TMEM161A: variants seen among roughly 807,000 people sequenced by gnomAD.
The protein encoded by TMEM161A is adaptive response to oxidative stress protein 29.
TMEM161A carries 46 observed loss-of-function variants against 57.1 expected under a neutral mutation model. The observed-to-expected ratio is 0.81, with a 90% CI of 0.64 to 1.03. The LOEUF (loss-of-function observed/expected upper bound fraction) is 1.03, where lower values mean the gene tolerates loss of function less well. Ranked by LOEUF, TMEM161A falls within the 50% of genes least tolerant of loss-of-function variation. The pLI is 0.00. For synonymous variants in TMEM161A, 288 were observed against 279.0 expected, an observed-to-expected ratio of 1.03 and a Z score of -0.32; for missense variants, 601 against 621.5, an observed-to-expected ratio of 0.97 and a Z score of 0.35.
At chr19:19,126,743 A>T (rs979165788) in intron 6 of TMEM161A, among the ~76,000 whole-genome samples, 15 of 152,032 alleles carry the variant, frequency 9.9e-5, no homozygotes, top group African/African-American at 3.4e-4. Flanking sequence ...GGTGGCGCAC[A>T]CCTGTAATCC....
In TMEM161A at chr19:19,132,322, C is replaced by T. The variant is rs1345956510; in HGVS notation, c.443+30G>A. The stretch of plus-strand genomic sequence containing the variant: ...AGCTCAGGTCCTGCTCCCACCCGCC[C>T]CACTGGCAGGGAGCAGAGAGGAAGG... On this transcript the variant is annotated intron_variant, in intron 5 of 11. Coordinates refer to ENST00000162044, the MANE Select transcript of TMEM161A (RefSeq NM_017814.3). The surrounding 1 kb of genome is among the most constrained non-coding windows in gnomAD (Gnocchi z 4.3). 1.9e-6 allele frequency: 3 copies of T among 1,595,326 alleles called. No individual in the cohort carries two copies. Among genetic ancestry groups the T allele is most frequent in the East Asian group, 2.2e-5 (1 of 44,722 alleles).
intron 10 of TMEM161A, 40 bp from the exon 11 acceptor site, chr19:19,120,901 T>G: frequency 6.2e-7 from 1 of 1,612,400 alleles, no homozygotes; most frequent in South Asian, 1.1e-5. Context: ...CAGGAGGCCT[T>G]CTGGTTTGGG....
intron 1 of TMEM161A, among the ~76,000 whole-genome samples, chr19:19,137,631 G>A (rs898773984): frequency 6.6e-6 from 1 of 152,208 alleles, no homozygotes; most frequent in Non-Finnish European, 1.5e-5. Context: ...ACCTCCGCCT[G>A]GGACGACGCC....
intron 6 of TMEM161A, among the ~76,000 whole-genome samples, chr19:19,127,595 T>G (rs1042184163): frequency 6.6e-6 from 1 of 152,004 alleles, no homozygotes; most frequent in South Asian, 2.1e-4. Context: ...ATGCTGGGAT[T>G]ACAGGCGTGA....
chr19:19,127,594 T>G (rs1461806619), intron 6 of TMEM161A, among the ~76,000 whole-genome samples: 3 of 151,976 alleles, frequency 2.0e-5, no homozygotes, highest in Non-Finnish European at 2.9e-5. Flanking sequence ...AATGCTGGGA[T>G]TACAGGCGTG....
Position 19,120,049 on chromosome 19 carries a change from G to A in TMEM161A, c.1321C>T (p.Leu441=). The part of the protein sequence containing the change: ...AARIAGALGG[L]LTPLFLRGVL... ...CCACGGAGGAAGAGGGGAGTAAGCA[G>A]GCCACCCAGAGCCCCGGCAATCCGC... Residue 441 remains leucine (L), a synonymous_variant, in exon 12 of 12, where the codon CTG becomes TTG. Transcript: ENST00000162044. 1 of 1,600,598 alleles carries A rather than the reference G, an allele frequency of 6.2e-7. No individual in the cohort carries two copies. The highest frequency in any genetic ancestry group is 8.5e-7 in the Non-Finnish European group (1 of 1,174,356).
Position 19,120,971 on chromosome 19 carries a change from A to G in TMEM161A, c.1089+21T>C, listed in dbSNP as rs773691122. 3 of 1,607,390 alleles carry G rather than the reference A, an allele frequency of 1.9e-6. No homozygotes were observed. In the South Asian group the frequency reaches 3.3e-5, roughly 18 times the overall value. On this transcript the variant is annotated intron_variant, in intron 10 of 11. Coordinates refer to ENST00000162044, the MANE Select transcript of TMEM161A (RefSeq NM_017814.3). Reference sequence around the variant, plus strand: ...CTGAGCCCCAGGTTCCCTCTGGCCTAGGTCATCGGGGCGTCCATACCCTCT... The same window carrying G: ...CTGAGCCCCAGGTTCCCTCTGGCCTGGGTCATCGGGGCGTCCATACCCTCT...
At position 19,134,824 on chromosome 19, in the gene TMEM161A, G is replaced by GC. The variant is rs1156525542; in HGVS notation, c.66dup (p.Pro23AlafsTer12). On this transcript the variant is annotated frameshift_variant, in exon 2 of 12. Coordinates refer to ENST00000162044, the MANE Select transcript of TMEM161A (RefSeq NM_017814.3). LOFTEE classifies it high-confidence loss of function. ...AGCCAGCGCGCGAAGGAGCAGTGTGGCGCCAGCCTGTGCATGAGGGTGGCA... is the reference window on the plus strand; with the variant it reads ...AGCCAGCGCGCGAAGGAGCAGTGTGGCCGCCAGCCTGTGCATGAGGGTGGCA... 1 of 1,596,116 alleles carries GC rather than the reference G, an allele frequency of 6.3e-7. No homozygotes were observed. Among genetic ancestry groups the GC allele is most frequent in the Admixed American group, 1.7e-5 (1 of 57,644 alleles).
At chr19:19,134,186 T>C (rs1184442262) in intron 2 of TMEM161A, among the ~76,000 whole-genome samples, 1 of 152,014 alleles carries the variant, frequency 6.6e-6, no homozygotes, top group Non-Finnish European at 1.5e-5. Context: ...CTCTAGCAGA[T>C]GCAGGGGTGG....
At position 19,121,461 on chromosome 19, in the gene TMEM161A, C is replaced by A; in HGVS notation, c.801-40G>T. 2 of 1,613,580 alleles carry A rather than the reference C, an allele frequency of 1.2e-6. No homozygotes were observed. Among genetic ancestry groups the A allele is most frequent in the Non-Finnish European group, 1.7e-6 (2 of 1,179,662 alleles). On this transcript the variant is annotated intron_variant, in intron 8 of 11. Coordinates refer to ENST00000162044, the MANE Select transcript of TMEM161A (RefSeq NM_017814.3). The surrounding 1 kb of genome is among the most constrained non-coding windows in gnomAD (Gnocchi z 5.8). Reference sequence around the variant, plus strand: ...CAGGAGGGAGTGAGGCCTGGGTACCCCCTCTCCTCGAGTCTCTCCCTTAAG... The same window carrying A: ...CAGGAGGGAGTGAGGCCTGGGTACCACCTCTCCTCGAGTCTCTCCCTTAAG...
rs535679693 is a variant in TMEM161A, at chr19:19,119,741, G to T, written c.*189C>A. Reference sequence around the variant, plus strand: ...GGGACCCTCATGCTGCTGGGCCCAGGAGAGACAGTTCTGAGGCAGAAACTC... The same window carrying T: ...GGGACCCTCATGCTGCTGGGCCCAGTAGAGACAGTTCTGAGGCAGAAACTC... On this transcript the variant is annotated 3_prime_UTR_variant, in exon 12 of 12. Coordinates refer to ENST00000162044, the MANE Select transcript of TMEM161A (RefSeq NM_017814.3). The T allele has an allele frequency of 2.5e-5, 17 of 690,038 alleles. No individual in the cohort carries two copies. Among genetic ancestry groups the T allele is most frequent in the Non-Finnish European group, 4.0e-5 (17 of 419,836 alleles). The allele number at this position is 690,038 out of a possible 1,614,324, so 42.7% of individuals were successfully genotyped here.
intron 5 of TMEM161A, 95 bp from the exon 6 acceptor site, chr19:19,130,402 G>A: frequency 6.7e-7 from 1 of 1,488,760 alleles, no homozygotes; most frequent in Non-Finnish European, 9.2e-7. Flanking sequence ...CAGGGAACAA[G>A]CACTGCTGCA....
At chr19:19,136,719 C>A (rs2146341212) in intron 1 of TMEM161A, among the ~76,000 whole-genome samples, 1 of 152,228 alleles carries the variant, frequency 6.6e-6, no homozygotes, top group Admixed American at 6.5e-5. Context: ...AGGACATTTT[C>A]TCTGTACCTG....
Position 19,121,398 on chromosome 19 carries a change from A to AG in TMEM161A, c.823dup (p.Leu275ProfsTer85), listed in dbSNP as rs1306371765. 5 of 1,613,132 alleles carry AG rather than the reference A, an allele frequency of 3.1e-6. No individual in the cohort carries two copies. The African/African-American group carries it at 5.3e-5, about 17-fold the overall frequency. Reference sequence around the variant, plus strand: ...GAGCCACAGGATGAACAGGGGAGACAGGAAGCTGGTGTGCAGGAGGAACCT... The same window carrying AG: ...GAGCCACAGGATGAACAGGGGAGACAGGGAAGCTGGTGTGCAGGAGGAACCT... On this transcript the variant is annotated frameshift_variant, in exon 9 of 12. Coordinates refer to ENST00000162044, the MANE Select transcript of TMEM161A (RefSeq NM_017814.3). LOFTEE classifies it high-confidence loss of function. The surrounding 1 kb of genome is among the most constrained non-coding windows in gnomAD (Gnocchi z 5.8).
In TMEM161A at chr19:19,132,807, C is replaced by A. The variant is rs561734062; in HGVS notation, c.189-53G>T. The stretch of plus-strand genomic sequence containing the variant: ...ACGGTGAGCACGCATTCCACTGAGG[C>A]CAGCCACCCTCAGAGCTCAGAGCAG... On this transcript the variant is annotated intron_variant, in intron 3 of 11. Transcript: ENST00000162044. This position sits in a 1 kb window ranked among gnomAD's most constrained non-coding sequence, Gnocchi z 4.3. 2.1e-6 allele frequency: 3 copies of A among 1,404,244 alleles called. No individual in the cohort carries two copies. The East Asian group carries it at 7.0e-5, about 33-fold the overall frequency. The allele number at this position is 1,404,244 out of a possible 1,614,324, so 87.0% of individuals were successfully genotyped here.
chr19:19,121,958 A>T lies in TMEM161A; in HGVS notation c.596-139T>A. The T allele has an allele frequency of 1.1e-6, 1 of 893,652 alleles. No homozygotes were observed. Among genetic ancestry groups the T allele is most frequent in the Non-Finnish European group, 1.7e-6 (1 of 592,782 alleles). The allele number at this position is 893,652 out of a possible 1,614,324, so 55.4% of individuals were successfully genotyped here. A position where few individuals can be genotyped will look rare whatever the true frequency, so the allele number is the denominator to read the frequency against. ...ACAAGGGTCTGCCAGGCCCTGAGCC[A>T]GGCACAAGGACAATTTTGTGCTCTA... On this transcript the variant is annotated intron_variant, in intron 6 of 11. Coordinates refer to ENST00000162044, the MANE Select transcript of TMEM161A (RefSeq NM_017814.3). The surrounding 1 kb of genome is among the most constrained non-coding windows in gnomAD (Gnocchi z 5.8).
Position 19,121,895 on chromosome 19 carries a change from A to G in TMEM161A, c.596-76T>C. On this transcript the variant is annotated intron_variant, in intron 6 of 11. Coordinates refer to ENST00000162044, the MANE Select transcript of TMEM161A (RefSeq NM_017814.3). This position sits in a 1 kb window ranked among gnomAD's most constrained non-coding sequence, Gnocchi z 5.8. ...AGGCCACTCTGTTCCCTAACCCCCC[A>G]TCCCTCAGGCATCCGTTTGCTTCCC... 4 of 1,505,538 alleles carry G rather than the reference A, an allele frequency of 2.7e-6. No individual in the cohort carries two copies. The highest frequency in any genetic ancestry group is 3.6e-6 in the Non-Finnish European group (4 of 1,097,314). The allele number at this position is 1,505,538 out of a possible 1,614,324, so 93.3% of individuals were successfully genotyped here.
chr19:19,121,154 A>C lies in TMEM161A; in HGVS notation c.927T>G (p.Ser309=). Residue 309 remains serine, a synonymous_variant, in exon 10 of 12, where the codon TCT becomes TCG. Transcript: ENST00000162044. The surrounding 1 kb of genome is among the most constrained non-coding windows in gnomAD (Gnocchi z 5.8). ...ACCAGAGGCGCCCAGAGTCGAAGGC[A>C]GAATCGGACAGCCTGTGCGGAGAGG... ...GETRFSLLSD[S]AFDSGRLWLL... The C allele has an allele frequency of 6.2e-7, 1 of 1,606,438 alleles. No homozygotes were observed. The highest frequency in any genetic ancestry group is 1.3e-5 in the African/African-American group (1 of 74,950).
intron 5 of TMEM161A, among the ~76,000 whole-genome samples, chr19:19,130,808 A>G (rs2059954994): frequency 6.6e-6 from 1 of 152,164 alleles, no homozygotes; most frequent in Non-Finnish European, 1.5e-5. Flanking sequence ...CTGTGGTCCC[A>G]GCTACTGGGG....
Sources: allele counts gnomAD v4.1 joint callset (sites outside exome capture counted in the v4.1 genomes callset), GRCh38; gene constraint gnomAD v4.1.1; non-coding constraint Gnocchi (gnomAD v3.1); transcripts MANE v1.5; gene names NCBI Gene and HGNC (gene_info 2026-07-23, HGNC 2026-07-21).